The following SETDB2 variants were observed in gnomAD, a reference collection of about 807,000 sequenced individuals.
SETDB2 encodes histone-lysine N-methyltransferase SETDB2.
SETDB2 carries 56 observed loss-of-function variants against 82.5 expected under a neutral mutation model. The ratio of observed to expected loss-of-function variants is 0.68; its 90% CI spans 0.55 to 0.85. SETDB2 has a LOEUF of 0.85. Among genes scored for constraint, SETDB2 ranks in the 40% least tolerant of loss-of-function variants. SETDB2 has a pLI of 0.00. For missense variants in SETDB2, 677 were observed against 816.4 expected (o/e 0.83, Z 2.08); for synonymous variants, 272 against 284.9 (o/e 0.95, Z 0.46).
At chr13:49,472,928 C>T (rs1958278665) in intron 5 of SETDB2, among the ~76,000 whole-genome samples, 1 of 152,102 alleles carries the variant, frequency 6.6e-6, no homozygotes, top group Non-Finnish European at 1.5e-5. Context: ...TCTAGTTTGG[C>T]TTTCTTGAAA....
intron 9 of SETDB2, 122 bp from the exon 10 acceptor site, chr13:49,483,342 C>G (rs1958516267): frequency 2.3e-6 from 1 of 434,322 alleles, no homozygotes; most frequent in Non-Finnish European, 4.1e-6. Context: ...CATAGATGTT[C>G]TTACTTAGGT....
rs1323103120 is a variant in SETDB2 at position 49,477,020 on chromosome 13, T to A, written c.850T>A (p.Ser284Thr). 1.2e-6 allele frequency: 2 copies of A among 1,602,286 alleles called. No individual in the cohort carries two copies. Among genetic ancestry groups the A allele is most frequent in the Non-Finnish European group, 1.7e-6 (2 of 1,177,106 alleles). ...SSMFTDSCDC[S>T]EGCIDITKCA... ...CATGTTTACTGATTCCTGTGACTGC[T>A]CTGAGGGCTGCATAGACATGTGAGT... is the stretch of plus-strand genomic sequence containing the variant. Residue 284 changes from serine (S) to threonine (T), a missense_variant, in exon 6 of 14, where the codon TCT becomes ACT. Around this residue, in one of 3 missense-constraint regions of SETDB2, gnomAD observed 420 missense variants for 554.6 expected, o/e 0.76. Transcript: ENST00000611815.
chr13:49,456,204 A>G (rs893106703), intron 2 of SETDB2, among the ~76,000 whole-genome samples: 11 of 152,266 alleles, frequency 7.2e-5, no homozygotes, highest in Admixed American at 6.5e-4. Flanking sequence ...CCAATACCCT[A>G]TAAGCCCCTT....
At chr13:49,461,945 T>C (rs1334135896) in intron 4 of SETDB2, among the ~76,000 whole-genome samples, 2 of 152,174 alleles carry the variant, frequency 1.3e-5, no homozygotes, top group Non-Finnish European at 1.5e-5. Flanking sequence ...CTATTACCAG[T>C]TTATTATAAA....
chr13:49,445,930 C>G (rs1594119914), intron 1 of SETDB2: 1 of 92,954 alleles, frequency 1.1e-5, no homozygotes, highest in African/African-American at 6.9e-5. Context: ...GAGCGAGACT[C>G]CGTCTCAAAA....
At chr13:49,491,373 G>A (rs1958710019) in intron 13 of SETDB2, among the ~76,000 whole-genome samples, 1 of 152,160 alleles carries the variant, frequency 6.6e-6, no homozygotes, top group Non-Finnish European at 1.5e-5. Context: ...GAAGATATCA[G>A]GTATCACCCA....
chr13:49,489,750 C>T (rs1016593667), intron 12 of SETDB2, among the ~76,000 whole-genome samples: 15 of 150,848 alleles, frequency 9.9e-5, no homozygotes, highest in South Asian at 2.1e-4. Flanking sequence ...TGTGCACCAC[C>T]ATGCCTGGCT....
At chr13:49,486,303 C>A (rs901186422) in intron 11 of SETDB2, among the ~76,000 whole-genome samples, 8 of 147,582 alleles carry the variant, frequency 5.4e-5, no homozygotes, top group African/African-American at 1.2e-4. Flanking sequence ...GACCCTGTCT[C>A]AAAAAAAAAA....
At chr13:49,471,417 T>TC (rs1290378537) in intron 5 of SETDB2, among the ~76,000 whole-genome samples, 2 of 146,470 alleles carry the variant, frequency 1.4e-5, no homozygotes, top group African/African-American at 5.2e-5. Flanking sequence ...AAGTCTGAAT[T>TC]CCCTTTTTTT....
chr13:49,486,930 G>T (rs1486022719), intron 11 of SETDB2, among the ~76,000 whole-genome samples: 1 of 152,186 alleles, frequency 6.6e-6, no homozygotes, highest in Non-Finnish European at 1.5e-5. Context: ...GATTGGAGGA[G>T]ACATGGCAGT....
In SETDB2 at chr13:49,494,886, A is replaced by G. The variant is rs557273423; in HGVS notation, c.*3037A>G. 2.0e-4 allele frequency: 30 copies of G among 152,192 alleles called. No homozygotes were observed. The highest frequency in any genetic ancestry group is 3.9e-4 in the Admixed American group (6 of 15,286). The allele number at this position is 152,192 out of a possible 1,614,324, so 9.4% of individuals were successfully genotyped here. A position where few individuals can be genotyped will look rare whatever the true frequency, so the allele number is the denominator to read the frequency against. On this transcript the variant is annotated 3_prime_UTR_variant, in exon 14 of 14. Transcript: ENST00000611815. The stretch of plus-strand genomic sequence containing the variant: ...AACTATTATATGTCTTTTTTCCAGA[A>G]CAACTTATTTTTTAACTATAATTAT...
intron 8 of SETDB2, among the ~76,000 whole-genome samples, chr13:49,481,589 C>G (rs1204349636): frequency 2.0e-5 from 3 of 152,232 alleles, no homozygotes; most frequent in Non-Finnish European, 2.9e-5. Context: ...GCAACTCACT[C>G]TATTTTGGGG....
At chr13:49,463,716 C>G (rs1254619092) in intron 4 of SETDB2, among the ~76,000 whole-genome samples, 1 of 151,850 alleles carries the variant, frequency 6.6e-6, no homozygotes, top group African/African-American at 2.4e-5. Flanking sequence ...TGGCTCATGA[C>G]CTTCACTCCA....
chr13:49,445,625 G>A (rs1957658024), intron 1 of SETDB2: 1 of 152,128 alleles, frequency 6.6e-6, no homozygotes, highest in Non-Finnish European at 1.5e-5. Flanking sequence ...GCTGGTGAGA[G>A]CTGCTTAAAA....
At chr13:49,482,658 G>A (rs935932457) in intron 8 of SETDB2, 79 bp from the exon 9 acceptor site, 3 of 893,988 alleles carry the variant, frequency 3.4e-6, no homozygotes, top group African/African-American at 3.4e-5. Context: ...CTTTAGTCAT[G>A]GAGTAGAAAT....
chr13:49,474,221 C>A (rs550734242), intron 5 of SETDB2, among the ~76,000 whole-genome samples: 1 of 152,202 alleles, frequency 6.6e-6, no homozygotes, highest in East Asian at 1.9e-4. Flanking sequence ...GAGGTCATGC[C>A]ACTGCACTCC....
At chr13:49,474,620 A>G (rs2138931123) in intron 5 of SETDB2, among the ~76,000 whole-genome samples, 1 of 152,364 alleles carries the variant, frequency 6.6e-6, no homozygotes, top group South Asian at 2.1e-4. Flanking sequence ...ATACGTTCTA[A>G]AAGATCACTG....
Position 49,493,389 on chromosome 13 carries a change from T to C in SETDB2, c.*1540T>C, listed in dbSNP as rs1388440078. ...CTGCCTGTGGAGTCCATTTGACCTT[T>C]AGAAATATGAGGTATTCTGTCAGTT... is the stretch of plus-strand genomic sequence containing the variant. On this transcript the variant is annotated 3_prime_UTR_variant, in exon 14 of 14. Transcript: ENST00000611815. 6.6e-6 allele frequency: 1 copy of C among 152,248 alleles called. No individual in the cohort carries two copies. Among genetic ancestry groups the C allele is most frequent in the Non-Finnish European group, 1.5e-5 (1 of 68,072 alleles). 9.4% of individuals were successfully genotyped at this position (152,248 alleles called of 1,614,324 possible).
intron 5 of SETDB2, among the ~76,000 whole-genome samples, chr13:49,471,934 A>ATATATATATATATATTTT (rs1378783393): frequency 1.7e-5 from 2 of 119,280 alleles, no homozygotes; most frequent in African/African-American, 7.2e-5. Flanking sequence ...ATATATATAT[A>ATATATATATATATATTTT]TTTTTTTTTT....
Sources: allele counts gnomAD v4.1 joint callset (sites outside exome capture counted in the v4.1 genomes callset), GRCh38; gene constraint gnomAD v4.1.1; regional missense constraint gnomAD v4.1.1; transcripts MANE v1.5; gene names NCBI Gene and HGNC (gene_info 2026-07-23, HGNC 2026-07-21).